Variants in SGCZ observed in about 807,000 individuals in gnomAD.
SGCZ encodes sarcoglycan zeta, also known as zeta-sarcoglycan.
A neutral mutation model predicts 41.3 loss-of-function variants in SGCZ; 40 were observed. That is an observed-to-expected ratio of 0.97 (90% CI 0.75 to 1.26). SGCZ has a LOEUF of 1.26. SGCZ is among the 50% of genes most tolerant of loss of function. The probability of loss-of-function intolerance (pLI) is 0.00; values close to 1 mark genes in which losing one functional copy is unlikely to be tolerated. For synonymous variants in SGCZ, 206 were observed against 137.5 expected, an observed-to-expected ratio of 1.50 and a Z score of -3.49; for missense variants, 552 against 369.8, an observed-to-expected ratio of 1.49 and a Z score of -4.04.
At chr8:15,157,646 G>A (rs268416) in intron 1 of SGCZ, among the ~76,000 whole-genome samples, 5,601 of 151,882 alleles carry the variant, frequency 0.037, 305 homozygotes, top group African/African-American at 0.12. Context: ...AAGTGAACAT[G>A]TCTTGTCTCT....
intron 4 of SGCZ, among the ~76,000 whole-genome samples, chr8:14,169,637 G>C (rs1379052905): frequency 6.6e-6 from 1 of 152,110 alleles, no homozygotes; most frequent in Admixed American, 6.6e-5. Flanking sequence ...GTCCACAGGG[G>C]TATGTGGGGC....
chr8:14,831,734 G>C (rs768442024), intron 1 of SGCZ, among the ~76,000 whole-genome samples: 2 of 151,070 alleles, frequency 1.3e-5, no homozygotes, highest in Non-Finnish European at 2.9e-5. Context: ...TTGAAAGCTG[G>C]TGTTAGAAGG....
chr8:14,478,668 G>A (rs569765611), intron 2 of SGCZ, among the ~76,000 whole-genome samples: 1 of 152,224 alleles, frequency 6.6e-6, no homozygotes, highest in East Asian at 1.9e-4. Flanking sequence ...AACTAAGAGG[G>A]AATCTGGTTG....
chr8:14,567,823 T>C (rs989456134), intron 1 of SGCZ, among the ~76,000 whole-genome samples: 2 of 151,840 alleles, frequency 1.3e-5, no homozygotes, highest in Admixed American at 6.6e-5. Flanking sequence ...CCTTAAGAGC[T>C]GTAACACTCA....
intron 2 of SGCZ, among the ~76,000 whole-genome samples, chr8:14,412,991 C>T (rs991486845): frequency 2.0e-5 from 3 of 151,748 alleles, no homozygotes; most frequent in African/African-American, 7.3e-5. Flanking sequence ...GTATATTAAA[C>T]TTTTGTTATA....
chr8:14,127,669 G>T (rs887680509), intron 5 of SGCZ, among the ~76,000 whole-genome samples: 3 of 152,086 alleles, frequency 2.0e-5, no homozygotes, highest in African/African-American at 7.2e-5. Context: ...TGTTAGCCAG[G>T]ATGGACTTGA....
At chr8:15,145,306 G>C (rs1288522668) in intron 1 of SGCZ, among the ~76,000 whole-genome samples, 2 of 152,124 alleles carry the variant, frequency 1.3e-5, no homozygotes, top group Non-Finnish European at 2.9e-5. Flanking sequence ...ATATTATTTG[G>C]TAATAACTTT....
chr8:15,050,680 T>C (rs1306522870), intron 1 of SGCZ, among the ~76,000 whole-genome samples: 1 of 152,068 alleles, frequency 6.6e-6, no homozygotes, highest in Non-Finnish European at 1.5e-5. Context: ...GCATTGGAAA[T>C]GCAAGCCAAA....
At position 14,631,596 on chromosome 8, in the gene SGCZ, C is replaced by A. The variant is rs149843919; in HGVS notation, c.40-76670G>T. 8.8e-3 allele frequency among the ~76,000 whole-genome samples: 1,344 copies of A among 152,218 alleles called. 19 individuals carry two copies. Among genetic ancestry groups the A allele is most frequent in the African/African-American group, 0.031 (1,274 of 41,552 alleles). On this transcript the variant is annotated intron_variant, in intron 1 of 7. Transcript: ENST00000382080. ...TCAGATTGAGGAAAGCAGAAAGACA[C>A]TTCTGATATCTAATAAGTATGTCTC...
At chr8:14,814,141 T>G (rs1585284271) in intron 1 of SGCZ, among the ~76,000 whole-genome samples, 1 of 152,212 alleles carries the variant, frequency 6.6e-6, no homozygotes, top group East Asian at 1.9e-4. Context: ...CATTTTACTT[T>G]GAGTTTGAAA....
chr8:14,930,755 A>G (rs1344685692), intron 1 of SGCZ, among the ~76,000 whole-genome samples: 1 of 151,986 alleles, frequency 6.6e-6, no homozygotes, highest in Non-Finnish European at 1.5e-5. Flanking sequence ...TAAACACCCC[A>G]TGTTCTCATT....
intron 2 of SGCZ, among the ~76,000 whole-genome samples, chr8:14,390,382 A>C (rs1192111197): frequency 2.0e-5 from 3 of 151,856 alleles, no homozygotes; most frequent in Non-Finnish European, 4.4e-5. Flanking sequence ...GTAATAATAA[A>C]TCAGTTCATA....
At chr8:14,578,215 T>C (rs1050511645) in intron 1 of SGCZ, among the ~76,000 whole-genome samples, 6 of 152,310 alleles carry the variant, frequency 3.9e-5, no homozygotes, top group Admixed American at 2.6e-4. Flanking sequence ...AATTCATCTA[T>C]AGCCATCAGT....
intron 3 of SGCZ, among the ~76,000 whole-genome samples, chr8:14,244,379 C>T (rs1174939434): frequency 1.3e-5 from 2 of 152,112 alleles, no homozygotes; most frequent in Non-Finnish European, 2.9e-5. Flanking sequence ...TCCCTGTGCC[C>T]AAGGCAGCTA....
intron 1 of SGCZ, among the ~76,000 whole-genome samples, chr8:14,666,000 G>A (rs1446555391): frequency 6.6e-6 from 1 of 152,216 alleles, no homozygotes; most frequent in East Asian, 1.9e-4. Context: ...TGGGCAGCAT[G>A]TAAGCCTTGC....
chr8:14,536,746 A>T (rs778488168), intron 2 of SGCZ, among the ~76,000 whole-genome samples: 43 of 151,250 alleles, frequency 2.8e-4, no homozygotes, highest in Non-Finnish European at 5.3e-4. Flanking sequence ...GGAATATTTT[A>T]ACAAAACTAA....
intron 1 of SGCZ, among the ~76,000 whole-genome samples, chr8:15,216,659 G>A (rs1721671975): frequency 6.6e-6 from 1 of 152,042 alleles, no homozygotes; most frequent in African/African-American, 2.4e-5. Flanking sequence ...AAGAAAATAT[G>A]GAAAGCATCT....
chr8:14,994,870 CCTCCCCAAAATG>C (rs1352059111), intron 1 of SGCZ, among the ~76,000 whole-genome samples: 3 of 151,996 alleles, frequency 2.0e-5, no homozygotes, highest in Non-Finnish European at 2.9e-5. Context: ...TTGTGTTGAC[CCTCCCCAAAATG>C]CTCTCCAAAA....
At chr8:15,043,577 T>G (rs1200241709) in intron 1 of SGCZ, among the ~76,000 whole-genome samples, 4 of 152,160 alleles carry the variant, frequency 2.6e-5, no homozygotes, top group African/African-American at 9.7e-5. Context: ...TTCCTGTTAT[T>G]TTTAAAACTT....
Sources: gnomAD v4.1 joint callset for allele counts (sites outside exome capture counted in the v4.1 genomes callset) on GRCh38, gnomAD v4.1.1 for gene constraint, MANE v1.5 for transcripts, NCBI Gene and HGNC (gene_info 2026-07-23, HGNC 2026-07-21) for gene names.